Variants in ETV5 observed in about 807,000 individuals in gnomAD.
ETV5 encodes the protein ETS variant transcription factor 5, also known as ETS translocation variant 5.
A neutral mutation model predicts 70.0 loss-of-function variants in ETV5; 10 were observed. The ratio of observed to expected loss-of-function variants is 0.14; its 90% CI spans 0.09 to 0.24. The LOEUF (loss-of-function observed/expected upper bound fraction) is 0.24, where lower values mean the gene tolerates loss of function less well. ETV5 is among the 10% of genes least tolerant of loss of function. ETV5 has a pLI of 1.00. For missense variants in ETV5, 453 were observed against 651.2 expected (o/e 0.70, Z 3.31); for synonymous variants, 216 against 242.2 (o/e 0.89, Z 1.01).
At chr3:186,053,941 A>G (rs1420666751) in intron 11 of ETV5, among the ~76,000 whole-genome samples, 1 of 152,244 alleles carries the variant, frequency 6.6e-6, no homozygotes, top group Non-Finnish European at 1.5e-5. Flanking sequence ...AGAGAAGCCC[A>G]GCCTCATCAT....
At chr3:186,071,961 C>T (rs1040716994) in intron 7 of ETV5, among the ~76,000 whole-genome samples, 3 of 151,608 alleles carry the variant, frequency 2.0e-5, no homozygotes, top group Non-Finnish European at 4.4e-5. Flanking sequence ...CCACACATGG[C>T]TAATTTTTTT....
In ETV5 at chr3:186,054,359, G is replaced by C. The variant is rs573172158; in HGVS notation, c.1210-2228C>G. On this transcript the variant is annotated intron_variant, in intron 11 of 12. Transcript: ENST00000306376. The surrounding 1 kb of genome is among the most constrained non-coding windows in gnomAD (Gnocchi z 4.4). The stretch of plus-strand genomic sequence containing the variant: ...CTATTCCTTCTCCCCTTTAAAGAGA[G>C]AGCAGCCACAGCCCAGGGAGTGGCT... Among the ~76,000 whole-genome samples the C allele has an allele frequency of 3.3e-5, 5 of 152,310 alleles. No individual in the cohort carries two copies. The East Asian group carries it at 5.8e-4, about 18-fold the overall frequency.
intron 7 of ETV5, among the ~76,000 whole-genome samples, chr3:186,071,265 T>C (rs1713626220): frequency 6.6e-6 from 1 of 151,722 alleles, no homozygotes; most frequent in South Asian, 2.1e-4. Flanking sequence ...GGTGAAGCAG[T>C]GGCCGTTTAA....
chr3:186,062,508 T>G (rs4686406), intron 9 of ETV5, among the ~76,000 whole-genome samples: 149,535 of 152,302 alleles, frequency 0.98, 73,465 homozygotes, highest in Non-Finnish European at 1. Context: ...TGTAATTCCA[T>G]CTACTTGGGA....
At chr3:186,097,285 A>C (rs1372285193) in intron 5 of ETV5, among the ~76,000 whole-genome samples, 3 of 152,198 alleles carry the variant, frequency 2.0e-5, no homozygotes, top group Non-Finnish European at 4.4e-5. Flanking sequence ...ATCTGACCAC[A>C]GTGGAAAATT....
At chr3:186,099,573 A>G (rs1714400656) in intron 5 of ETV5, among the ~76,000 whole-genome samples, 1 of 152,168 alleles carries the variant, frequency 6.6e-6, no homozygotes, top group African/African-American at 2.4e-5. Flanking sequence ...AACCCAAGAA[A>G]TGTGTGGAGG....
At chr3:186,059,025 AT>A (rs1383846555) in intron 9 of ETV5, among the ~76,000 whole-genome samples, 139 of 150,892 alleles carry the variant, frequency 9.2e-4, no homozygotes, top group Non-Finnish European at 1.8e-3. Context: ...AAAAAAAAAA[AT>A]AAAATAAAAA....
intron 9 of ETV5, among the ~76,000 whole-genome samples, chr3:186,060,618 C>T (rs1378565741): frequency 6.6e-6 from 1 of 152,172 alleles, no homozygotes; most frequent in Non-Finnish European, 1.5e-5. Flanking sequence ...GTTTCACAGG[C>T]ATCTGTGGTC....
intron 11 of ETV5, 143 bp downstream of exon 11, chr3:186,056,932 C>T (rs1257694082): frequency 2.3e-5 from 19 of 834,262 alleles, no homozygotes; most frequent in East Asian, 1.9e-4. Flanking sequence ...AGGAGGGATA[C>T]AGCCAAGCCC....
intron 5 of ETV5, among the ~76,000 whole-genome samples, chr3:186,102,509 T>C (rs536921466): frequency 6.6e-6 from 1 of 151,980 alleles, no homozygotes; most frequent in Admixed American, 6.6e-5. Context: ...GGCAGGTGCC[T>C]GTAATCCCAG....
Position 186,079,830 on chromosome 3 carries a change from G to T in ETV5, c.637C>A (p.Pro213Thr). 6.2e-7 allele frequency: 1 copy of T among 1,603,164 alleles called. No homozygotes were observed. The highest frequency in any genetic ancestry group is 8.5e-7 in the Non-Finnish European group (1 of 1,174,362). Residue 213 changes from proline to threonine, a missense_variant, in exon 7 of 13, where the codon CCA becomes ACA. By Grantham distance (38) the Pro-to-Thr change is conservative (BLOSUM62 -1). Coordinates refer to ENST00000306376, the MANE Select transcript of ETV5 (RefSeq NM_004454.3). ...MPKMMPENQYPSEQRFQRQLS... is the reference protein window; with the variant it reads ...MPKMMPENQYTSEQRFQRQLS... ...ATCAACACCCACCTCTGTTCTGATG[G>T]ATACTGGTTTTCAGGCATCATCTTT... is the stretch of plus-strand genomic sequence containing the variant.
At chr3:186,092,345 T>C (rs1403217943) in intron 5 of ETV5, among the ~76,000 whole-genome samples, 1 of 152,146 alleles carries the variant, frequency 6.6e-6, no homozygotes, top group African/African-American at 2.4e-5. Context: ...CTCTAAGAGG[T>C]TGCCTGCAAA....
In ETV5 at chr3:186,049,668, C is replaced by T. The variant is rs371620596; in HGVS notation, c.1312-808G>A. ...GATAAACATTTTAGATTTAAAAATG[C>T]AAACTGTTGAGTTTAATCCTGCCCT... On this transcript the variant is annotated intron_variant, in intron 12 of 12. Coordinates refer to ENST00000306376, the MANE Select transcript of ETV5 (RefSeq NM_004454.3). Among the ~76,000 whole-genome samples, 71 of 152,294 alleles carry T rather than the reference C, an allele frequency of 4.7e-4. 3 individuals are homozygous for T. In the South Asian group the frequency reaches 0.015, roughly 32 times the overall value.
chr3:186,047,670 CG>C lies in ETV5; in HGVS notation c.*968del, dbSNP rs1712913003. ...AGAAAGCACAAAGCAGGCAACAAGG[CG>C]GGCTTTCACATGGCCAAGGGGAAGC... On this transcript the variant is annotated 3_prime_UTR_variant, in exon 13 of 13. Coordinates refer to ENST00000306376, the MANE Select transcript of ETV5 (RefSeq NM_004454.3). 1 of 233,176 alleles carries C rather than the reference CG, an allele frequency of 4.3e-6. No individual in the cohort carries two copies. The highest frequency in any genetic ancestry group is 8.5e-6 in the Non-Finnish European group (1 of 117,802). The allele number at this position is 233,176 out of a possible 1,614,324, so 14.4% of individuals were successfully genotyped here.
chr3:186,084,988 C>T (rs1714024178), intron 5 of ETV5, among the ~76,000 whole-genome samples: 1 of 152,198 alleles, frequency 6.6e-6, no homozygotes, highest in Non-Finnish European at 1.5e-5. Flanking sequence ...AGCCAGACCC[C>T]TTACCATTTC....
chr3:186,090,578 C>T (rs1714158566), intron 5 of ETV5, among the ~76,000 whole-genome samples: 1 of 152,134 alleles, frequency 6.6e-6, no homozygotes. Context: ...GGAGAATTTC[C>T]ACTCCTTGTG....
intron 12 of ETV5, among the ~76,000 whole-genome samples, chr3:186,050,038 C>T (rs1712988271): frequency 6.6e-6 from 1 of 152,198 alleles, no homozygotes; most frequent in Admixed American, 6.5e-5. Context: ...TTTTAATGAG[C>T]TCTCATGTAC....
At chr3:186,080,928 G>C in intron 6 of ETV5, 118 bp downstream of exon 6, 1 of 1,234,464 alleles carries the variant, frequency 8.1e-7, no homozygotes, top group Non-Finnish European at 1.1e-6. Context: ...CATGAAAGAA[G>C]GATATGTTTT....
chr3:186,062,797 G>T (rs951241912), intron 9 of ETV5, among the ~76,000 whole-genome samples: 10 of 152,074 alleles, frequency 6.6e-5, no homozygotes, highest in Admixed American at 6.6e-4. Context: ...AGTCCTATAC[G>T]ATCTGTATAA....
Sources: allele counts gnomAD v4.1 joint callset (sites outside exome capture counted in the v4.1 genomes callset), GRCh38; gene constraint gnomAD v4.1.1; non-coding constraint Gnocchi (gnomAD v3.1); transcripts MANE v1.5; gene names NCBI Gene and HGNC (gene_info 2026-07-23, HGNC 2026-07-21).